The following HIP1 variants were observed in gnomAD, a reference collection of about 807,000 sequenced individuals.
HIP1 encodes the protein huntingtin-interacting protein 1.
In HIP1, 65 loss-of-function variants were observed where a neutral mutation model predicts 147.6. The ratio of observed to expected loss-of-function variants is 0.44; its 90% CI spans 0.36 to 0.54. The LOEUF (loss-of-function observed/expected upper bound fraction) is 0.54. Ranked by LOEUF, HIP1 falls within the 20% of genes least tolerant of loss-of-function variation. The pLI, the probability that HIP1 is intolerant of heterozygous loss-of-function variation, is 0.00. For synonymous variants in HIP1, 479 were observed against 504.0 expected, an observed-to-expected ratio of 0.95 and a Z score of 0.67; for missense variants, 1,061 against 1,299.6, an observed-to-expected ratio of 0.82 and a Z score of 2.82.
Position 75,703,028 on chromosome 7 carries a change from C to T in HIP1, c.120+35773G>A, listed in dbSNP as rs190516673. ...CAAACTGTAGCGGGAATTAAGACTT[C>T]TGGTAGAGAAAAAAATTGAAAAATA... On this transcript the variant is annotated intron_variant, in intron 1 of 30. Coordinates refer to ENST00000336926, the MANE Select transcript of HIP1 (RefSeq NM_005338.7). 2.7e-3 allele frequency among the ~76,000 whole-genome samples: 411 copies of T among 152,112 alleles called. 1 individual carries two copies. Among genetic ancestry groups the T allele is most frequent in the African/African-American group, 6.0e-3 (248 of 41,508 alleles).
intron 1 of HIP1, among the ~76,000 whole-genome samples, chr7:75,724,157 A>T (rs1326701358): frequency 6.6e-6 from 1 of 151,994 alleles, no homozygotes; most frequent in East Asian, 1.9e-4. Context: ...GGGTTTCACC[A>T]TGTTGGCCAG....
rs1347625843 is a variant in HIP1, at chr7:75,534,364, T to G, written c.*3808A>C. 1 of 209,860 alleles carries G rather than the reference T, an allele frequency of 4.8e-6. No homozygotes were observed. The highest frequency in any genetic ancestry group is 5.9e-5 in the Admixed American group (1 of 16,922). 13.0% of individuals were successfully genotyped at this position (209,860 alleles called of 1,614,324 possible). On this transcript the variant is annotated 3_prime_UTR_variant, in exon 31 of 31. Transcript: ENST00000336926. The stretch of plus-strand genomic sequence containing the variant: ...CAGCAGACAATCTAAACTAGTCTCA[T>G]TTAAACTCCTTGCTCAGATATAAAA...
intron 22 of HIP1, among the ~76,000 whole-genome samples, chr7:75,550,304 C>T (rs1453601987): frequency 6.6e-6 from 1 of 152,198 alleles, no homozygotes; most frequent in African/African-American, 2.4e-5. Context: ...ACATCAATAC[C>T]TTTGGAATCC....
intron 22 of HIP1, 121 bp downstream of exon 22, chr7:75,553,332 T>C: frequency 7.9e-7 from 1 of 1,270,360 alleles, no homozygotes; most frequent in South Asian, 1.4e-5. Context: ...ACAATCTCTT[T>C]CTAGAATCAA....
intron 1 of HIP1, among the ~76,000 whole-genome samples, chr7:75,641,936 T>C (rs1489482256): frequency 1.3e-5 from 2 of 152,204 alleles, no homozygotes; most frequent in African/African-American, 4.8e-5. Flanking sequence ...CCCACATCCC[T>C]GCGATTCTTT....
At chr7:75,543,673 G>C (rs1188580377) in intron 27 of HIP1, among the ~76,000 whole-genome samples, 2 of 152,184 alleles carry the variant, frequency 1.3e-5, no homozygotes, top group Non-Finnish European at 2.9e-5. Flanking sequence ...AGGGGTTGTA[G>C]AATCTCACAG....
chr7:75,560,722 G>A (rs587645932), intron 13 of HIP1, among the ~76,000 whole-genome samples: 2 of 152,216 alleles, frequency 1.3e-5, no homozygotes, highest in East Asian at 1.9e-4. Flanking sequence ...CAGAGAACAC[G>A]GGAAGACCTG....
intron 2 of HIP1, among the ~76,000 whole-genome samples, chr7:75,594,006 G>A (rs1554501269): frequency 2.0e-5 from 3 of 151,270 alleles, no homozygotes; most frequent in African/African-American, 7.3e-5. Context: ...TCAGGGTGGA[G>A]CGCGGTGGCT....
At chr7:75,576,721 A>T (rs1554497789) in intron 7 of HIP1, among the ~76,000 whole-genome samples, 3 of 152,092 alleles carry the variant, frequency 2.0e-5, no homozygotes, top group African/African-American at 7.2e-5. Context: ...AGAAAACAAA[A>T]ACAAAAAAAA....
At chr7:75,632,264 C>G (rs1292341488) in intron 1 of HIP1, among the ~76,000 whole-genome samples, 1 of 152,126 alleles carries the variant, frequency 6.6e-6, no homozygotes, top group Non-Finnish European at 1.5e-5. Flanking sequence ...TCTTAACGTC[C>G]TCACCCAGGG....
chr7:75,735,413 A>G (rs1801985038), intron 1 of HIP1, among the ~76,000 whole-genome samples: 1 of 152,224 alleles, frequency 6.6e-6, no homozygotes, highest in African/African-American at 2.4e-5. Context: ...AAGATTTAAA[A>G]AGGTAATACA....
intron 1 of HIP1, among the ~76,000 whole-genome samples, chr7:75,705,188 C>G (rs529782861): frequency 6.6e-6 from 1 of 152,194 alleles, no homozygotes; most frequent in Admixed American, 6.6e-5. Flanking sequence ...CTCCCTTCCC[C>G]CAAGCCCCTG....
At chr7:75,599,736 A>C (rs1554502648) in intron 1 of HIP1, among the ~76,000 whole-genome samples, 1 of 150,024 alleles carries the variant, frequency 6.7e-6, no homozygotes, top group African/African-American at 2.5e-5. Context: ...GTTTTCCCAC[A>C]CTCTTGGGCA....
chr7:75,738,072 T>C (rs183772407), intron 1 of HIP1, among the ~76,000 whole-genome samples: 1 of 152,208 alleles, frequency 6.6e-6, no homozygotes, highest in Non-Finnish European at 1.5e-5. Context: ...GCAGGACAAA[T>C]AGGGCAGTCT....
intron 1 of HIP1, among the ~76,000 whole-genome samples, chr7:75,608,109 G>A (rs1260684976): frequency 1.3e-5 from 2 of 152,030 alleles, no homozygotes; most frequent in Non-Finnish European, 2.9e-5. Flanking sequence ...GTTCAAGTTC[G>A]GCCTGGCCAA....
Position 75,559,798 on chromosome 7 carries a change from G to T in HIP1, c.1309C>A (p.Leu437Met), listed in dbSNP as rs368587912. Residue 437 changes from leucine (L) to methionine (M), a missense_variant, in exon 14 of 31, where the codon CTG becomes ATG. Transcript: ENST00000336926. ...TCCCGCTGCCTCCTGAGCTCGTCCA[G>T]TTCTGCCCGCAGGAATTCACAGTCG... Reference protein sequence around the residue: ...ADDCEFLRAELDELRRQREDT... With the variant: ...ADDCEFLRAEMDELRRQREDT... The T allele has an allele frequency of 1.9e-5, 30 of 1,608,570 alleles. No individual in the cohort carries two copies. Among genetic ancestry groups the T allele is most frequent in the Non-Finnish European group, 2.5e-5 (29 of 1,177,922 alleles).
At chr7:75,722,310 TA>T (rs35368659) in intron 1 of HIP1, among the ~76,000 whole-genome samples, 2 of 151,982 alleles carry the variant, frequency 1.3e-5, no homozygotes, top group African/African-American at 4.8e-5. Context: ...ACCCTGTCTC[TA>T]AAAAAATAAA....
chr7:75,631,255 T>C (rs1175611204), intron 1 of HIP1, among the ~76,000 whole-genome samples: 1 of 152,162 alleles, frequency 6.6e-6, no homozygotes, highest in Non-Finnish European at 1.5e-5. Context: ...ATTACAGGCA[T>C]AAGCCACCAT....
At position 75,560,615 on chromosome 7, in the gene HIP1, C is replaced by G. The variant is rs141190488; in HGVS notation, c.1192-700G>C. On this transcript the variant is annotated intron_variant, in intron 13 of 30. Transcript: ENST00000336926. Reference sequence around the variant, plus strand: ...CTTGTTCTCCACAGCTTCTCAGCCTCGTGGGGACCAAGGTCATCTCTGGGT... The same window carrying G: ...CTTGTTCTCCACAGCTTCTCAGCCTGGTGGGGACCAAGGTCATCTCTGGGT... Among the ~76,000 whole-genome samples, 829 of 152,234 alleles carry G rather than the reference C, an allele frequency of 5.4e-3. 8 individuals are homozygous for G. The highest frequency in any genetic ancestry group is 0.019 in the African/African-American group (804 of 41,550).
Sources: gnomAD v4.1 joint callset for allele counts (sites outside exome capture counted in the v4.1 genomes callset) on GRCh38, gnomAD v4.1.1 for gene constraint, MANE v1.5 for transcripts, NCBI Gene and HGNC (gene_info 2026-07-23, HGNC 2026-07-21) for gene names.